TTI1: variants seen among roughly 807,000 people sequenced by gnomAD.
TTI1 encodes TELO2-interacting protein 1 homolog.
Under a neutral mutation model 85.4 loss-of-function variants are expected in TTI1, and 52 were observed. That is an observed-to-expected ratio of 0.61 (90% CI 0.49 to 0.77). TTI1 has a LOEUF of 0.77. Among genes scored for constraint, TTI1 ranks in the 30% least tolerant of loss-of-function variants. The pLI, the probability that TTI1 is intolerant of heterozygous loss-of-function variation, is 0.00. For synonymous variants in TTI1, 512 were observed against 503.9 expected (o/e 1.02, Z -0.22); for missense variants, 1,173 against 1,296.0 (o/e 0.91, Z 1.46).
At position 38,002,884 on chromosome 20, in the gene TTI1, G is replaced by A. The variant is rs1023635760; in HGVS notation, c.2504-108C>T. On this transcript the variant is annotated intron_variant, in intron 3 of 7. Transcript: ENST00000373447. ...CAGTCTTAGGTATTTGGTTACAGCAGCACAAATGGACTGAGACACCTCCAC... is the reference window on the plus strand; with the variant it reads ...CAGTCTTAGGTATTTGGTTACAGCAACACAAATGGACTGAGACACCTCCAC... 7 of 1,460,510 alleles carry A rather than the reference G, an allele frequency of 4.8e-6. No individual in the cohort carries two copies. The African/African-American group carries it at 8.4e-5, about 17-fold the overall frequency. 90.5% of individuals were successfully genotyped at this position (1,460,510 alleles called of 1,614,324 possible).
rs140901633 is a variant in TTI1, at chr20:38,011,701, G to T, written c.2116C>A (p.Leu706Met). ...TGAGGATGCAGAGCCAGATGACGCA[G>T]ATTTAAAGAGATCCCATTCACTAAA... is the stretch of plus-strand genomic sequence containing the variant. ...DYLVNGISLN[L>M]RHLALHPHTP... The change falls in exon 2 of 8, where the codon CTG (leucine) becomes ATG (methionine). Residue 706 changes from leucine (L) to methionine (M), a missense_variant. By Grantham distance (15) the Leu-to-Met change is conservative. Transcript: ENST00000373447. 3.3e-5 allele frequency: 54 copies of T among 1,614,212 alleles called. No individual in the cohort carries two copies. In the East Asian group the frequency reaches 1.1e-3, roughly 33 times the overall value.
intron 7 of TTI1, among the ~76,000 whole-genome samples, chr20:37,993,415 A>C (rs2073293993): frequency 6.6e-6 from 1 of 152,228 alleles, no homozygotes; most frequent in South Asian, 2.1e-4. Flanking sequence ...GGCAAATTAA[A>C]AAAGCAAACA....
intron 4 of TTI1, 105 bp from the exon 5 acceptor site, chr20:37,999,433 A>G (rs2073389490): frequency 8.1e-7 from 1 of 1,232,842 alleles, no homozygotes; most frequent in Non-Finnish European, 1.0e-6. Context: ...TTAATTGGAT[A>G]ATTGTTTTCT....
chr20:38,027,810 G>T (rs538020360), intron 1 of TTI1, among the ~76,000 whole-genome samples: 1 of 152,248 alleles, frequency 6.6e-6, no homozygotes, highest in African/African-American at 2.4e-5. Context: ...TGTAATCCCA[G>T]CTACTCAGGA....
At chr20:38,003,310 C>T (rs535315728) in intron 3 of TTI1, among the ~76,000 whole-genome samples, 1 of 152,164 alleles carries the variant, frequency 6.6e-6, no homozygotes, top group Non-Finnish European at 1.5e-5. Context: ...ATAATATTGT[C>T]TTAAAAAGAC....
chr20:38,006,194 T>A lies in TTI1; in HGVS notation c.2503+3A>T. ...ACCAGCTAAGCCAAAATAAACAAGT[T>A]ACCTTCTTCATTATCAAAATCCGAG... is the stretch of plus-strand genomic sequence containing the variant. On this transcript the variant is annotated splice_donor_region_variant and intron_variant, in intron 3 of 7. Coordinates refer to ENST00000373447, the MANE Select transcript of TTI1 (RefSeq NM_001303457.2). 1 of 1,614,096 alleles carries A rather than the reference T, an allele frequency of 6.2e-7. No homozygotes were observed. Among genetic ancestry groups the A allele is most frequent in the Non-Finnish European group, 8.5e-7 (1 of 1,179,992 alleles).
At chr20:37,992,047 C>T (rs1042803050) in intron 7 of TTI1, among the ~76,000 whole-genome samples, 1 of 152,192 alleles carries the variant, frequency 6.6e-6, no homozygotes, top group Non-Finnish European at 1.5e-5. Context: ...AATGGCGAGG[C>T]AGAGGGAGCT....
chr20:38,002,515 C>T, intron 4 of TTI1, 113 bp downstream of exon 4: 1 of 1,391,382 alleles, frequency 7.2e-7, no homozygotes, highest in Non-Finnish European at 9.8e-7. Context: ...TTGGCCACCA[C>T]ACGTGGACCA....
At chr20:38,026,096 T>C (rs1262370289) in intron 1 of TTI1, among the ~76,000 whole-genome samples, 1 of 152,190 alleles carries the variant, frequency 6.6e-6, no homozygotes, top group Non-Finnish European at 1.5e-5. Context: ...ATTTAATTTC[T>C]GAAAACTAAC....
intron 1 of TTI1, among the ~76,000 whole-genome samples, chr20:38,023,757 A>C (rs984586501): frequency 6.6e-6 from 1 of 152,170 alleles, no homozygotes; most frequent in African/African-American, 2.4e-5. Flanking sequence ...CATATTCTGA[A>C]GTTTTGTTGA....
intron 7 of TTI1, among the ~76,000 whole-genome samples, chr20:37,993,413 A>C (rs2073293858): frequency 6.6e-6 from 1 of 152,212 alleles, no homozygotes; most frequent in Non-Finnish European, 1.5e-5. Context: ...ATGGCAAATT[A>C]AAAAAGCAAA....
chr20:37,994,770 G>C (rs2073315538), intron 7 of TTI1, among the ~76,000 whole-genome samples: 1 of 152,148 alleles, frequency 6.6e-6, no homozygotes, highest in Non-Finnish European at 1.5e-5. Flanking sequence ...GCGGTCAAGT[G>C]GTGGGGCTGC....
At chr20:38,031,998 CA>C (rs1228446095) in intron 1 of TTI1, among the ~76,000 whole-genome samples, 1 of 152,184 alleles carries the variant, frequency 6.6e-6, no homozygotes, top group Non-Finnish European at 1.5e-5. Context: ...GATTTCGACA[CA>C]AAAGCCCTCA....
intron 1 of TTI1, among the ~76,000 whole-genome samples, chr20:38,018,491 C>T (rs936666425): frequency 6.6e-6 from 1 of 151,970 alleles, no homozygotes; most frequent in African/African-American, 2.4e-5. Context: ...GAATAAAAGA[C>T]GTGAATAAAT....
chr20:37,994,966 T>A (rs1367302542), intron 7 of TTI1, among the ~76,000 whole-genome samples: 1 of 152,202 alleles, frequency 6.6e-6, no homozygotes, highest in African/African-American at 2.4e-5. Flanking sequence ...AAAAATAGAA[T>A]GGATGGGGAA....
chr20:38,030,928 T>C (rs191821420), intron 1 of TTI1, among the ~76,000 whole-genome samples: 10 of 152,354 alleles, frequency 6.6e-5, no homozygotes, highest in African/African-American at 2.2e-4. Context: ...ATTCAGTAAA[T>C]GGAAGCGCTA....
chr20:38,009,209 T>C (rs754002287), intron 2 of TTI1, among the ~76,000 whole-genome samples: 2 of 152,216 alleles, frequency 1.3e-5, no homozygotes, highest in Non-Finnish European at 2.9e-5. Context: ...ATTTGGCCCA[T>C]GGAAGCCAGT....
intron 4 of TTI1, 38 bp from the exon 5 acceptor site, chr20:37,999,366 G>T: frequency 7.4e-7 from 1 of 1,346,348 alleles, no homozygotes; most frequent in Non-Finnish European, 9.6e-7. Context: ...GTATAGGCTT[G>T]AAAACAGATA....
chr20:37,989,945 A>G (rs1358824013), intron 7 of TTI1, among the ~76,000 whole-genome samples: 1 of 152,256 alleles, frequency 6.6e-6, no homozygotes. Context: ...AAGATGACCC[A>G]CAGAGAAATT....
Sources: allele counts gnomAD v4.1 joint callset (sites outside exome capture counted in the v4.1 genomes callset), GRCh38; gene constraint gnomAD v4.1.1; transcripts MANE v1.5; gene names NCBI Gene and HGNC (gene_info 2026-07-23, HGNC 2026-07-21).